The following NHSL1 variants were observed in gnomAD, a reference collection of about 807,000 sequenced individuals.
NHSL1 encodes NHS like 1, also known as NHS-like protein 1.
NHSL1 carries 48 observed loss-of-function variants against 95.0 expected under a neutral mutation model. The ratio of observed to expected loss-of-function variants is 0.51; its 90% confidence interval spans 0.40 to 0.64. The LOEUF is 0.64. NHSL1 is among the 30% of genes least tolerant of loss of function. NHSL1 has a pLI of 0.00. For missense variants in NHSL1, 1,971 were observed against 2,077.7 expected, an observed-to-expected ratio of 0.95 and a Z score of 1.00; for synonymous variants, 783 against 833.9, an observed-to-expected ratio of 0.94 and a Z score of 1.05.
intron 3 of NHSL1, among the ~76,000 whole-genome samples, chr6:138,461,045 G>A (rs1360867365): frequency 5.9e-5 from 9 of 152,078 alleles, no homozygotes; most frequent in African/African-American, 2.2e-4. Flanking sequence ...TGCCGAAGGT[G>A]CGAGAAAAAG....
intron 1 of NHSL1, among the ~76,000 whole-genome samples, chr6:138,683,189 TCC>T: frequency 6.6e-6 from 1 of 152,200 alleles, no homozygotes; most frequent in African/African-American, 2.4e-5. Flanking sequence ...GCAACAGCCC[TCC>T]ACACACTGCT....
chr6:138,681,164 G>A (rs1438959167), intron 1 of NHSL1, among the ~76,000 whole-genome samples: 1 of 152,130 alleles, frequency 6.6e-6, no homozygotes, highest in Non-Finnish European at 1.5e-5. Context: ...ATATATGAAT[G>A]AAGAAGAGCA....
rs143218860 is a variant in NHSL1 at position 138,551,757 on chromosome 6, C to T, written c.202+19953G>A. On this transcript the variant is annotated intron_variant, in intron 1 of 6. Transcript: ENST00000427025. ...GGGAAACTGATTTAAAACCAGTCTC[C>T]ATTTTAGTGCCTTCAGTCCATCCAG... Among the ~76,000 whole-genome samples the T allele has an allele frequency of 5.7e-3, 866 of 152,260 alleles. 22 individuals are homozygous for T. Among genetic ancestry groups the T allele is most frequent in the Admixed American group, 0.048 (730 of 15,290 alleles).
upstream of NHSL1, among the ~76,000 whole-genome samples, chr6:138,549,374 C>A (rs539623806): frequency 1.3e-5 from 2 of 152,206 alleles, no homozygotes; most frequent in Non-Finnish European, 2.9e-5. Flanking sequence ...CAAGAGCAAA[C>A]CTCTGTCTCA....
chr6:138,577,826 C>T (rs1783994062), intron 1 of NHSL1, among the ~76,000 whole-genome samples: 1 of 152,140 alleles, frequency 6.6e-6, no homozygotes, highest in Admixed American at 6.5e-5. Context: ...AAAGTAAATA[C>T]TTTGAGCCAG....
intron 2 of NHSL1, among the ~76,000 whole-genome samples, chr6:138,495,740 A>G (rs984111674): frequency 1.1e-4 from 17 of 152,198 alleles, no homozygotes; most frequent in Non-Finnish European, 2.5e-4. Flanking sequence ...AAAAAGATAT[A>G]CCCAAGACTG....
At chr6:138,564,691 A>G (rs1000237916) in intron 1 of NHSL1, among the ~76,000 whole-genome samples, 3 of 152,124 alleles carry the variant, frequency 2.0e-5, no homozygotes, top group Non-Finnish European at 4.4e-5. Flanking sequence ...ATCCTAAAAC[A>G]GGTCACGGCT....
intron 1 of NHSL1, among the ~76,000 whole-genome samples, chr6:138,677,227 C>T (rs1164784320): frequency 1.3e-5 from 2 of 152,156 alleles, no homozygotes; most frequent in Non-Finnish European, 2.9e-5. Flanking sequence ...CTCAAGTTTT[C>T]CTAGTTACAT....
chr6:138,516,568 T>A (rs1781470256), intron 1 of NHSL1, among the ~76,000 whole-genome samples: 1 of 151,962 alleles, frequency 6.6e-6, no homozygotes, highest in Non-Finnish European at 1.5e-5. Context: ...CAGTTAGCAA[T>A]GGTTGAACAT....
chr6:138,503,988 TG>T (rs1296448886), upstream of NHSL1, among the ~76,000 whole-genome samples: 1 of 152,114 alleles, frequency 6.6e-6, no homozygotes, highest in Non-Finnish European at 1.5e-5. Context: ...CCCAGAGCTT[TG>T]GGAGGCTGAG....
At chr6:138,556,406 C>T (rs1783197745) in intron 1 of NHSL1, among the ~76,000 whole-genome samples, 1 of 152,018 alleles carries the variant, frequency 6.6e-6, no homozygotes, top group Non-Finnish European at 1.5e-5. Context: ...TTGTTATTGT[C>T]ATTGTCATTG....
intron 1 of NHSL1, among the ~76,000 whole-genome samples, chr6:138,661,227 T>G (rs1785223239): frequency 6.6e-6 from 1 of 152,158 alleles, no homozygotes; most frequent in Non-Finnish European, 1.5e-5. Flanking sequence ...CCAGAATGTA[T>G]TCCTACTGCA....
chr6:138,643,119 C>T (rs1479279628), intron 1 of NHSL1, among the ~76,000 whole-genome samples: 1 of 152,218 alleles, frequency 6.6e-6, no homozygotes, highest in Admixed American at 6.5e-5. Context: ...TTTTTAGCAG[C>T]AGCTACCATT....
intron 2 of NHSL1, among the ~76,000 whole-genome samples, chr6:138,477,730 G>T (rs559655493): frequency 1.3e-5 from 2 of 152,272 alleles, no homozygotes; most frequent in South Asian, 4.1e-4. Flanking sequence ...TACCAAGGAA[G>T]ACTGTGTTTC....
intron 3 of NHSL1, among the ~76,000 whole-genome samples, chr6:138,454,127 C>T (rs1158789774): frequency 1.3e-5 from 2 of 152,180 alleles, no homozygotes; most frequent in African/African-American, 4.8e-5. Flanking sequence ...CATCTCCCTA[C>T]TTCCCCAGAG....
At chr6:138,448,757 G>T (rs1777029953) in intron 3 of NHSL1, among the ~76,000 whole-genome samples, 1 of 152,136 alleles carries the variant, frequency 6.6e-6, no homozygotes, top group Non-Finnish European at 1.5e-5. Context: ...GAAATGCATT[G>T]ATTAGAAATT....
upstream of NHSL1, among the ~76,000 whole-genome samples, chr6:138,548,779 G>A (rs1367981920): frequency 6.6e-6 from 1 of 152,116 alleles, no homozygotes; most frequent in Non-Finnish European, 1.5e-5. Context: ...GCCTTCTTGT[G>A]GTTTAGTGCA....
At chr6:138,606,851 C>T (rs749705447) in intron 1 of NHSL1, among the ~76,000 whole-genome samples, 3 of 151,818 alleles carry the variant, frequency 2.0e-5, no homozygotes, top group Non-Finnish European at 2.9e-5. Flanking sequence ...TACAGGTACC[C>T]GCCACCGCAC....
At chr6:138,617,122 A>G (rs981643569) in intron 1 of NHSL1, among the ~76,000 whole-genome samples, 1 of 152,230 alleles carries the variant, frequency 6.6e-6, no homozygotes, top group Non-Finnish European at 1.5e-5. Flanking sequence ...AAAGCTGGGT[A>G]GGGCAACTCA....
Sources: allele counts gnomAD v4.1 joint callset (sites outside exome capture counted in the v4.1 genomes callset), GRCh38; gene constraint gnomAD v4.1.1; transcripts MANE v1.5; gene names NCBI Gene and HGNC (gene_info 2026-07-23, HGNC 2026-07-21).